ESRRB: variants seen among roughly 807,000 people sequenced by gnomAD.
ESRRB encodes estrogen related receptor beta.
ESRRB carries 16 observed loss-of-function variants against 46.0 expected under a neutral mutation model. The ratio of observed to expected loss-of-function variants is 0.35; its 90% confidence interval spans 0.24 to 0.53. The LOEUF is 0.53. Ranked by LOEUF, ESRRB falls within the 20% of genes least tolerant of loss-of-function variation. ESRRB has a pLI of 0.93. For missense variants in ESRRB, 488 were observed against 607.4 expected (o/e 0.80, Z 2.07); for synonymous variants, 246 against 259.6 (o/e 0.95, Z 0.50).
chr14:76,464,236 C>A (rs1343721281), intron 3 of ESRRB, among the ~76,000 whole-genome samples: 1 of 152,168 alleles, frequency 6.6e-6, no homozygotes, highest in East Asian at 1.9e-4. Context: ...GGAATCCAGA[C>A]CCTTCCTGGA....
chr14:76,494,486 T>C (rs1245570349), intron 6 of ESRRB, among the ~76,000 whole-genome samples: 2 of 152,052 alleles, frequency 1.3e-5, no homozygotes, highest in African/African-American at 4.8e-5. Flanking sequence ...TTTGTATTTT[T>C]AGTAGAGACA....
intron 1 of ESRRB, among the ~76,000 whole-genome samples, chr14:76,426,295 A>G (rs1887200045): frequency 6.6e-6 from 1 of 151,958 alleles, no homozygotes; most frequent in South Asian, 2.1e-4. Flanking sequence ...TCTGTGGGAG[A>G]TTTTTATGGG....
chr14:76,435,436 C>T (rs1022910128), intron 1 of ESRRB, among the ~76,000 whole-genome samples: 22 of 152,206 alleles, frequency 1.4e-4, no homozygotes, highest in Non-Finnish European at 1.6e-4. Flanking sequence ...CTGTGCCTGT[C>T]GTGTTCCCAT....
At chr14:76,311,846 C>T (rs998164273) in intron 1 of ESRRB, among the ~76,000 whole-genome samples, 1 of 152,184 alleles carries the variant, frequency 6.6e-6, no homozygotes, top group Non-Finnish European at 1.5e-5. Context: ...CGGGGCTTAC[C>T]TGCCACGAGC....
intron 1 of ESRRB, among the ~76,000 whole-genome samples, chr14:76,332,049 C>T (rs1884019881): frequency 6.6e-6 from 1 of 151,942 alleles, no homozygotes; most frequent in South Asian, 2.1e-4. Context: ...CATTTTACAA[C>T]AGCCTTTCAA....
At chr14:76,404,725 T>G (rs6574294) in intron 1 of ESRRB, among the ~76,000 whole-genome samples, 89,500 of 152,074 alleles carry the variant, frequency 0.59, 26,816 homozygotes, top group African/African-American at 0.7. Context: ...GTTTTGACTT[T>G]TTTTCTAAAA....
chr14:76,374,367 G>A (rs77920602), upstream of ESRRB, among the ~76,000 whole-genome samples: 8 of 152,250 alleles, frequency 5.3e-5, no homozygotes, highest in African/African-American at 1.9e-4. Flanking sequence ...GGCACTATAT[G>A]GAAGGTGGGG....
In ESRRB at chr14:76,482,384, C is replaced by T. The variant is rs1170843505; in HGVS notation, c.689-214C>T. Reference sequence around the variant, plus strand: ...CTCTGCAGGTTCCTCCTGGAGAATTCGTCAGGCAACTTCCCTTGGAGGGAT... The same window carrying T: ...CTCTGCAGGTTCCTCCTGGAGAATTTGTCAGGCAACTTCCCTTGGAGGGAT... On this transcript the variant is annotated intron_variant, in intron 4 of 6. Transcript: ENST00000644823. The surrounding 1 kb of genome is among the most constrained non-coding windows in gnomAD (Gnocchi z 4.3). 1.3e-5 allele frequency among the ~76,000 whole-genome samples: 2 copies of T among 152,182 alleles called. No homozygotes were observed. The highest frequency in any genetic ancestry group is 6.5e-5 in the Admixed American group (1 of 15,280).
chr14:76,474,854 C>A (rs908325865), intron 3 of ESRRB, among the ~76,000 whole-genome samples: 4 of 141,832 alleles, frequency 2.8e-5, no homozygotes, highest in Admixed American at 2.2e-4. Flanking sequence ...ACAAAACAAA[C>A]CATTATGTAA....
chr14:76,321,232 C>G (rs1482230170), intron 1 of ESRRB, among the ~76,000 whole-genome samples: 1 of 152,134 alleles, frequency 6.6e-6, no homozygotes, highest in Non-Finnish European at 1.5e-5. Flanking sequence ...TATATTGAAC[C>G]CTTGATCTCA....
intron 1 of ESRRB, among the ~76,000 whole-genome samples, chr14:76,346,978 C>G (rs910563232): frequency 1.3e-5 from 2 of 152,196 alleles, no homozygotes; most frequent in African/African-American, 2.4e-5. Flanking sequence ...CTCACAGGCA[C>G]GTGCTTATGC....
intron 1 of ESRRB, among the ~76,000 whole-genome samples, chr14:76,426,114 T>A (rs765106813): frequency 6.6e-6 from 1 of 152,192 alleles, no homozygotes. Context: ...GACATTTTGG[T>A]GAGGGCGTTT....
intron 1 of ESRRB, among the ~76,000 whole-genome samples, chr14:76,321,976 CAAATA>C (rs1883873300): frequency 6.6e-6 from 1 of 152,090 alleles, no homozygotes; most frequent in Non-Finnish European, 1.5e-5. Context: ...ACCCAGGCAG[CAAATA>C]GTACCATAGA....
chr14:76,387,113 C>A (rs986746483), intron 1 of ESRRB, among the ~76,000 whole-genome samples: 4 of 152,146 alleles, frequency 2.6e-5, no homozygotes, highest in Non-Finnish European at 5.9e-5. Context: ...TGAGGGGAAG[C>A]AGCCCAAATC....
chr14:76,452,747 G>C (rs542711104), intron 2 of ESRRB, among the ~76,000 whole-genome samples: 3 of 151,840 alleles, frequency 2.0e-5, no homozygotes, highest in East Asian at 2.0e-4. Flanking sequence ...TAGGCTACTA[G>C]GGAGATGGCA....
chr14:76,346,810 T>C (rs1884255967), intron 1 of ESRRB, among the ~76,000 whole-genome samples: 1 of 152,248 alleles, frequency 6.6e-6, no homozygotes, highest in African/African-American at 2.4e-5. Flanking sequence ...ACCAGGATTC[T>C]GTAATTGGAC....
chr14:76,493,564 G>T (rs1890309539), intron 6 of ESRRB, among the ~76,000 whole-genome samples: 2 of 152,236 alleles, frequency 1.3e-5, no homozygotes, highest in Admixed American at 6.5e-5. Flanking sequence ...TACTATTAAT[G>T]ATAGAGGATA....
chr14:76,331,995 A>G (rs1193429216), intron 1 of ESRRB, among the ~76,000 whole-genome samples: 1 of 151,982 alleles, frequency 6.6e-6, no homozygotes, highest in Non-Finnish European at 1.5e-5. Flanking sequence ...TAAGAAAACC[A>G]TGGAGCCAGC....
intron 1 of ESRRB, among the ~76,000 whole-genome samples, chr14:76,438,676 AAAC>A (rs1887776571): frequency 6.6e-6 from 1 of 152,058 alleles, no homozygotes; most frequent in South Asian, 2.1e-4. Context: ...AAAAAAAAAA[AAAC>A]TTGTAGCCTT....
Sources: gnomAD v4.1 joint callset for allele counts (sites outside exome capture counted in the v4.1 genomes callset) on GRCh38, gnomAD v4.1.1 for gene constraint, Gnocchi (gnomAD v3.1) non-coding constraint, MANE v1.5 for transcripts, NCBI Gene and HGNC (gene_info 2026-07-23, HGNC 2026-07-21) for gene names.